OLFM3: variants seen among roughly 807,000 people sequenced by gnomAD.
The protein encoded by OLFM3 is noelin-3.
A neutral mutation model predicts 48.6 loss-of-function variants in OLFM3; 20 were observed. The ratio of observed to expected loss-of-function variants is 0.41; its 90% CI spans 0.29 to 0.60. The LOEUF (loss-of-function observed/expected upper bound fraction) is 0.60, where lower values mean the gene tolerates loss of function less well. Among genes scored for constraint, OLFM3 ranks in the 20% least tolerant of loss-of-function variants. The pLI, the probability that OLFM3 is intolerant of heterozygous loss-of-function variation, is 0.28. For synonymous variants in OLFM3, 222 were observed against 198.1 expected, an observed-to-expected ratio of 1.12 and a Z score of -1.01; for missense variants, 437 against 544.3, an observed-to-expected ratio of 0.80 and a Z score of 1.96.
intron 1 of OLFM3, among the ~76,000 whole-genome samples, chr1:101,963,196 C>T (rs1660514941): frequency 6.6e-6 from 1 of 152,168 alleles, no homozygotes; most frequent in Non-Finnish European, 1.5e-5. Context: ...GCATTACTCC[C>T]CCATTGCCAC....
intron 1 of OLFM3, among the ~76,000 whole-genome samples, chr1:101,961,455 AG>A (rs1660465330): frequency 6.6e-6 from 1 of 152,024 alleles, no homozygotes; most frequent in Non-Finnish European, 1.5e-5. Context: ...AGTGAAAAAG[AG>A]TAGAGATATT....
At chr1:101,975,470 A>C (rs910193722) in intron 1 of OLFM3, among the ~76,000 whole-genome samples, 2 of 152,144 alleles carry the variant, frequency 1.3e-5, no homozygotes, top group Non-Finnish European at 2.9e-5. Context: ...GGGTAGAGAA[A>C]TCTTCAAAAC....
At chr1:101,974,961 GT>G (rs1159839464) in intron 1 of OLFM3, among the ~76,000 whole-genome samples, 14 of 152,116 alleles carry the variant, frequency 9.2e-5, no homozygotes, top group Admixed American at 6.6e-5. Flanking sequence ...CAGAAAAACT[GT>G]TTCTCAGTCA....
chr1:101,849,831 T>C (rs552373502), intron 1 of OLFM3, among the ~76,000 whole-genome samples: 9 of 152,248 alleles, frequency 5.9e-5, no homozygotes, highest in African/African-American at 2.2e-4. Context: ...ATGATGAGCG[T>C]CAATCATCAG....
intron 4 of OLFM3, 86 bp downstream of exon 4, chr1:101,824,940 T>G: frequency 8.7e-7 from 1 of 1,150,504 alleles, no homozygotes; most frequent in Non-Finnish European, 1.3e-6. Flanking sequence ...TTAGATATTT[T>G]ATGACTCTTT....
At chr1:101,877,435 C>A (rs1264610799) in intron 1 of OLFM3, among the ~76,000 whole-genome samples, 1 of 151,904 alleles carries the variant, frequency 6.6e-6, no homozygotes, top group African/African-American at 2.4e-5. Context: ...TAAATATGTT[C>A]CAATTTTGTT....
intron 1 of OLFM3, among the ~76,000 whole-genome samples, chr1:101,945,416 G>A (rs1400975344): frequency 6.6e-6 from 1 of 152,006 alleles, no homozygotes; most frequent in African/African-American, 2.4e-5. Flanking sequence ...GAGTATATAT[G>A]GTATGATTCC....
At chr1:101,823,096 G>T (rs527956113) in intron 4 of OLFM3, among the ~76,000 whole-genome samples, 1 of 151,992 alleles carries the variant, frequency 6.6e-6, no homozygotes, top group African/African-American at 2.4e-5. Flanking sequence ...TTATTCACCA[G>T]ATATTTATTG....
intron 1 of OLFM3, among the ~76,000 whole-genome samples, chr1:101,987,463 T>A (rs1305995120): frequency 6.6e-6 from 1 of 152,158 alleles, no homozygotes; most frequent in Non-Finnish European, 1.5e-5. Context: ...TTTCAGTTTG[T>A]TTTTACTACA....
chr1:101,899,969 C>T (rs1179176130), intron 1 of OLFM3, among the ~76,000 whole-genome samples: 1 of 151,992 alleles, frequency 6.6e-6, no homozygotes, highest in Non-Finnish European at 1.5e-5. Flanking sequence ...CCTTTTCTGT[C>T]ATATTATTAC....
rs752760770 is a variant in OLFM3, at chr1:101,804,598, C to A, written c.1017G>T (p.Val339=). ...LMADEIGLWA[V]YATNQNAGNI... The stretch of plus-strand genomic sequence containing the variant: ...TGCCTGCATTCTGGTTAGTTGCATA[C>A]ACAGCCCACAGCCCGATTTCATCAG... The change falls in exon 6 of 6, where the codon GTG becomes GTT. Residue 339 remains valine (V), a synonymous_variant. Coordinates refer to ENST00000370103, the MANE Select transcript of OLFM3 (RefSeq NM_058170.4). This position sits in a 1 kb window ranked among gnomAD's most constrained non-coding sequence, Gnocchi z 4.5. The A allele has an allele frequency of 6.2e-7, 1 of 1,612,556 alleles. No individual in the cohort carries two copies. The highest frequency in any genetic ancestry group is 8.5e-7 in the Non-Finnish European group (1 of 1,179,152).
At chr1:101,907,720 A>G (rs1176120982) in intron 1 of OLFM3, among the ~76,000 whole-genome samples, 1 of 152,238 alleles carries the variant, frequency 6.6e-6, no homozygotes, top group East Asian at 1.9e-4. Flanking sequence ...ATGAAGAGAC[A>G]AAAGTCGCTA....
intron 3 of OLFM3, among the ~76,000 whole-genome samples, chr1:101,828,269 T>C (rs1654984865): frequency 6.6e-6 from 1 of 152,178 alleles, no homozygotes; most frequent in Admixed American, 6.5e-5. Context: ...AGTTTCCTTA[T>C]CTTTAAAATG....
chr1:101,925,686 T>C (rs1659249884), intron 1 of OLFM3, among the ~76,000 whole-genome samples: 1 of 132,126 alleles, frequency 7.6e-6, no homozygotes, highest in African/African-American at 2.9e-5. Context: ...TCCCGGCTAA[T>C]TAATTAATTC....
At chr1:101,868,001 A>G (rs2100972174) in intron 1 of OLFM3, among the ~76,000 whole-genome samples, 1 of 152,258 alleles carries the variant, frequency 6.6e-6, no homozygotes, top group Admixed American at 6.5e-5. Context: ...ACACCTTGTG[A>G]AGAAGGATGT....
rs534751012 is a variant in OLFM3, at chr1:101,892,029, T to A, written c.70-55004A>T. On this transcript the variant is annotated intron_variant, in intron 1 of 5. Transcript: ENST00000370103. ...GAAGACAACATTTTAAATTTTTTAATGTGTAAACTTAATTGTATAAAGCTT... is the reference window on the plus strand; with the variant it reads ...GAAGACAACATTTTAAATTTTTTAAAGTGTAAACTTAATTGTATAAAGCTT... Among the ~76,000 whole-genome samples, 5 of 152,180 alleles carry A rather than the reference T, an allele frequency of 3.3e-5. No individual in the cohort carries two copies. In the South Asian group the frequency reaches 1.0e-3, roughly 32 times the overall value.
chr1:101,963,451 A>G (rs1660522127), intron 1 of OLFM3, among the ~76,000 whole-genome samples: 1 of 152,106 alleles, frequency 6.6e-6, no homozygotes, highest in African/African-American at 2.4e-5. Context: ...GGTTCTTTTG[A>G]AGCCCTCTTC....
chr1:101,913,884 G>T (rs745341694), intron 1 of OLFM3, among the ~76,000 whole-genome samples: 1 of 152,000 alleles, frequency 6.6e-6, no homozygotes, highest in Non-Finnish European at 1.5e-5. Flanking sequence ...AAATAAAAGG[G>T]ACTAGGGAAG....
At chr1:101,863,767 G>A (rs1656750850) in intron 1 of OLFM3, among the ~76,000 whole-genome samples, 1 of 152,088 alleles carries the variant, frequency 6.6e-6, no homozygotes, top group Non-Finnish European at 1.5e-5. Context: ...AACAAACGCT[G>A]TCTGCTAAAG....
Sources: allele counts gnomAD v4.1 joint callset (sites outside exome capture counted in the v4.1 genomes callset), GRCh38; gene constraint gnomAD v4.1.1; non-coding constraint Gnocchi (gnomAD v3.1); transcripts MANE v1.5; gene names NCBI Gene and HGNC (gene_info 2026-07-23, HGNC 2026-07-21).